The following IFT57 variants were observed in gnomAD, a reference collection of about 807,000 sequenced individuals.
IFT57 encodes the protein intraflagellar transport 57.
In IFT57, 59 loss-of-function variants were observed where a neutral mutation model predicts 56.8. That is an observed-to-expected ratio of 1.04 (90% CI 0.84 to 1.29). The LOEUF (loss-of-function observed/expected upper bound fraction) is 1.29. Among genes scored for constraint, IFT57 ranks in the 50% most tolerant of loss-of-function variants. IFT57 has a pLI of 0.00. For missense variants in IFT57, 470 were observed against 522.1 expected (o/e 0.90, Z 0.97); for synonymous variants, 209 against 186.1 (o/e 1.12, Z -1.00).
chr3:108,220,554 T>C (rs1382177106), intron 1 of IFT57, among the ~76,000 whole-genome samples: 1 of 152,192 alleles, frequency 6.6e-6, no homozygotes, highest in African/African-American at 2.4e-5. Flanking sequence ...ATGCTCACTA[T>C]CCTTTCAAAG....
chr3:108,209,100 A>G (rs1266332213), intron 4 of IFT57, among the ~76,000 whole-genome samples: 2 of 152,194 alleles, frequency 1.3e-5, no homozygotes, highest in Non-Finnish European at 2.9e-5. Flanking sequence ...TATAAACACA[A>G]ACTACAAGCA....
chr3:108,191,515 T>G lies in IFT57; in HGVS notation c.777+6A>C. 6.4e-7 allele frequency: 1 copy of G among 1,562,958 alleles called. No homozygotes were observed. Among genetic ancestry groups the G allele is most frequent in the Non-Finnish European group, 8.6e-7 (1 of 1,159,406 alleles). ...TTTTTAAGAAAATGTGTTCCCACTT[T>G]GATACCTTATTGTCAGTCCTAATCG... On this transcript the variant is annotated splice_donor_region_variant and intron_variant, in intron 6 of 10. Coordinates refer to ENST00000264538, the MANE Select transcript of IFT57 (RefSeq NM_018010.4).
intron 3 of IFT57, among the ~76,000 whole-genome samples, chr3:108,216,698 C>G (rs899091219): frequency 6.6e-6 from 1 of 152,166 alleles, no homozygotes; most frequent in Non-Finnish European, 1.5e-5. Context: ...CAGCACTATT[C>G]ACAATACTCA....
intron 4 of IFT57, among the ~76,000 whole-genome samples, chr3:108,211,514 T>C (rs568376779): frequency 3.3e-5 from 5 of 152,350 alleles, no homozygotes; most frequent in African/African-American, 1.2e-4. Flanking sequence ...TCCTTGATCA[T>C]GCTAAGTTTC....
chr3:108,203,003 A>C (rs1332356582), intron 5 of IFT57, among the ~76,000 whole-genome samples: 5 of 152,206 alleles, frequency 3.3e-5, no homozygotes, highest in African/African-American at 4.8e-5. Flanking sequence ...GGCTTCAACT[A>C]TGCTGTGGTA....
intron 5 of IFT57, among the ~76,000 whole-genome samples, chr3:108,203,002 T>C (rs1328209767): frequency 6.6e-6 from 1 of 152,240 alleles, no homozygotes; most frequent in Non-Finnish European, 1.5e-5. Flanking sequence ...AGGCTTCAAC[T>C]ATGCTGTGGT....
At chr3:108,206,068 T>TATATTATA (rs548881014) in intron 5 of IFT57, among the ~76,000 whole-genome samples, 324 of 108,274 alleles carry the variant, frequency 3.0e-3, no homozygotes, top group African/African-American at 9.6e-3. Flanking sequence ...TTATATATAA[T>TATATTATA]AATATATTAT....
chr3:108,206,171 GATTT>G (rs1401453080), intron 5 of IFT57, among the ~76,000 whole-genome samples: 2 of 142,858 alleles, frequency 1.4e-5, no homozygotes, highest in East Asian at 2.0e-4. Flanking sequence ...TTATAGATTA[GATTT>G]ATTTCATAAT....
intron 5 of IFT57, among the ~76,000 whole-genome samples, chr3:108,206,400 C>T (rs1239433473): frequency 1.3e-5 from 2 of 151,814 alleles, no homozygotes; most frequent in Non-Finnish European, 2.9e-5. Context: ...GCATGAGTAG[C>T]ACTATGTCAA....
At chr3:108,184,933 G>T (rs1046413560) in intron 6 of IFT57, among the ~76,000 whole-genome samples, 1 of 152,132 alleles carries the variant, frequency 6.6e-6, no homozygotes, top group African/African-American at 2.4e-5. Flanking sequence ...TGCAATGCTG[G>T]AAGTGCTTCC....
chr3:108,161,898 A>C lies in IFT57; in HGVS notation c.*579T>G, dbSNP rs1450378314. ...TTTAGTGGCTTAGATCCTAGAAGAT[A>C]GATTCCCTATAAAATCATTTTAGCC... On this transcript the variant is annotated 3_prime_UTR_variant, in exon 11 of 11. Coordinates refer to ENST00000264538, the MANE Select transcript of IFT57 (RefSeq NM_018010.4). The C allele has an allele frequency of 1.3e-5, 2 of 152,240 alleles. No homozygotes were observed. Among genetic ancestry groups the C allele is most frequent in the Non-Finnish European group, 2.9e-5 (2 of 68,042 alleles). The allele number at this position is 152,240 out of a possible 1,614,324, so 9.4% of individuals were successfully genotyped here.
At position 108,173,132 on chromosome 3, in the gene IFT57, A is replaced by G. The variant is rs542421857; in HGVS notation, c.778-5268T>C. On this transcript the variant is annotated intron_variant, in intron 6 of 10. Transcript: ENST00000264538. ...CTAAATATCTAACAGCAAAGGACAG[A>G]TTAAATTAATTTTGTAATATTCATT... 4.6e-5 allele frequency among the ~76,000 whole-genome samples: 7 copies of G among 152,020 alleles called. No homozygotes were observed. The South Asian group carries it at 1.4e-3, about 31-fold the overall frequency.
chr3:108,222,201 A>G lies in IFT57; in HGVS notation c.122T>C (p.Phe41Ser), dbSNP rs750524005. 1 of 1,614,066 alleles carries G rather than the reference A, an allele frequency of 6.2e-7. No homozygotes were observed. Among genetic ancestry groups the G allele is most frequent in the Admixed American group, 1.7e-5 (1 of 60,024 alleles). Residue 41 changes from phenylalanine to serine, a missense_variant, in exon 1 of 11, where the codon TTC (phenylalanine) becomes TCC (serine). Phe to Ser is a radical substitution (Grantham distance 155). Transcript: ENST00000264538. ...CTCCACCAAGTCCTCCATCACCACG[A>G]ACATGTGGTAGGCCGCGCCGGGCCC... The part of the protein sequence containing the change: ...ERGPGAAYHM[F>S]VVMEDLVEKL...
chr3:108,201,896 T>C (rs2080279960), intron 5 of IFT57, among the ~76,000 whole-genome samples: 3 of 152,220 alleles, frequency 2.0e-5, no homozygotes, highest in Non-Finnish European at 4.4e-5. Context: ...TCTAAGACCA[T>C]ATTTTTACTT....
chr3:108,173,041 C>T (rs1266036775), intron 6 of IFT57, among the ~76,000 whole-genome samples: 2 of 151,740 alleles, frequency 1.3e-5, no homozygotes, highest in South Asian at 2.1e-4. Flanking sequence ...ATTATTCTCA[C>T]AGAAATAATT....
intron 6 of IFT57, among the ~76,000 whole-genome samples, chr3:108,178,155 T>C (rs1223603629): frequency 6.6e-6 from 1 of 151,904 alleles, no homozygotes; most frequent in Admixed American, 6.6e-5. Context: ...ACATGCTCAC[T>C]TGATTTATGA....
intron 1 of IFT57, among the ~76,000 whole-genome samples, chr3:108,221,551 T>C (rs757071544): frequency 1.3e-5 from 2 of 152,192 alleles, no homozygotes; most frequent in Non-Finnish European, 1.5e-5. Context: ...CAGAAGTCTT[T>C]TAAACCATAG....
intron 6 of IFT57, among the ~76,000 whole-genome samples, chr3:108,179,586 CAG>C (rs1270164714): frequency 2.0e-5 from 3 of 151,956 alleles, no homozygotes; most frequent in Middle Eastern, 3.2e-3. Context: ...TTCTCATTCG[CAG>C]AGTTTCTCAT....
intron 6 of IFT57, among the ~76,000 whole-genome samples, chr3:108,175,606 A>G (rs1236017225): frequency 1.3e-5 from 2 of 151,794 alleles, no homozygotes; most frequent in Non-Finnish European, 2.9e-5. Context: ...CAACACAATA[A>G]CACTTGAAAG....
Sources: allele counts gnomAD v4.1 joint callset (sites outside exome capture counted in the v4.1 genomes callset), GRCh38; gene constraint gnomAD v4.1.1; transcripts MANE v1.5; gene names NCBI Gene and HGNC (gene_info 2026-07-23, HGNC 2026-07-21).